The following LEPR variants were observed in gnomAD, a reference collection of about 807,000 sequenced individuals.
LEPR encodes the protein OB receptor.
LEPR carries 56 observed loss-of-function variants against 114.7 expected under a neutral mutation model. The observed-to-expected ratio is 0.49, with a 90% CI of 0.39 to 0.61. The LOEUF (loss-of-function observed/expected upper bound fraction) is 0.61, where lower values mean the gene tolerates loss of function less well. Ranked by LOEUF, LEPR falls within the 20% of genes least tolerant of loss-of-function variation. The pLI, the probability that LEPR is intolerant of heterozygous loss-of-function variation, is 0.00. For synonymous variants in LEPR, 443 were observed against 461.4 expected (o/e 0.96, Z 0.51); for missense variants, 1,202 against 1,352.9 (o/e 0.89, Z 1.75).
chr1:65,548,228 C>A (rs1181712458), intron 2 of LEPR, among the ~76,000 whole-genome samples: 4 of 151,966 alleles, frequency 2.6e-5, no homozygotes, highest in African/African-American at 9.7e-5. Context: ...TTACTTCCAA[C>A]CATGTGGTCA....
At chr1:65,547,406 G>A (rs1478702124) in intron 2 of LEPR, among the ~76,000 whole-genome samples, 2 of 151,928 alleles carry the variant, frequency 1.3e-5, no homozygotes, top group Non-Finnish European at 2.9e-5. Flanking sequence ...TTGTACCTCT[G>A]GTAGAATTCG....
At chr1:65,449,963 A>C (rs1646761808) in intron 2 of LEPR, among the ~76,000 whole-genome samples, 1 of 152,000 alleles carries the variant, frequency 6.6e-6, no homozygotes, top group East Asian at 1.9e-4. Flanking sequence ...TTTTATTTTC[A>C]TTTAGTTAAA....
chr1:65,573,266 G>A (rs1654337235), intron 5 of LEPR, among the ~76,000 whole-genome samples: 1 of 152,190 alleles, frequency 6.6e-6, no homozygotes, highest in Non-Finnish European at 1.5e-5. Context: ...GCCTTGGCCT[G>A]ATTCTTGACC....
chr1:65,429,526 A>G (rs1646445673), intron 2 of LEPR, among the ~76,000 whole-genome samples: 1 of 152,134 alleles, frequency 6.6e-6, no homozygotes, highest in African/African-American at 2.4e-5. Context: ...TTTGCAAGAC[A>G]CTCTACTATG....
At chr1:65,552,660 T>C (rs1652488284) in intron 2 of LEPR, among the ~76,000 whole-genome samples, 1 of 152,206 alleles carries the variant, frequency 6.6e-6, no homozygotes, top group African/African-American at 2.4e-5. Context: ...GGGTCGTGAC[T>C]GTTTTTCCAA....
chr1:65,639,872 C>CATGTCACTATGAATAGGCACCTTCTGT lies in LEPR; in HGVS notation c.*2858_*2884dup, dbSNP rs1658815842. On this transcript the variant is annotated 3_prime_UTR_variant, in exon 20 of 20. Transcript: ENST00000349533. Reference sequence around the variant, plus strand: ...CAAGAACAATGAAAAAGTTGACGTACATGTCACTATGAATAGGCACCTTCT... The same window carrying CATGTCACTATGAATAGGCACCTTCTGT: ...CAAGAACAATGAAAAAGTTGACGTACATGTCACTATGAATAGGCACCTTCTGTATGTCACTATGAATAGGCACCTTCT... 6.6e-6 allele frequency: 1 copy of CATGTCACTATGAATAGGCACCTTCTGT among 152,078 alleles called. No homozygotes were observed. The highest frequency in any genetic ancestry group is 2.4e-5 in the African/African-American group (1 of 41,414). 9.4% of individuals were successfully genotyped at this position (152,078 alleles called of 1,614,324 possible).
intron 5 of LEPR, among the ~76,000 whole-genome samples, chr1:65,591,650 C>T (rs1655704652): frequency 6.6e-6 from 1 of 151,960 alleles, no homozygotes; most frequent in African/African-American, 2.4e-5. Context: ...TTACAACTTT[C>T]TTTTGACTAA....
At chr1:65,601,315 G>A (rs1557688350) in intron 8 of LEPR, 77 bp from the exon 9 acceptor site, 4 of 1,536,576 alleles carry the variant, frequency 2.6e-6, no homozygotes, top group Non-Finnish European at 3.6e-6. Context: ...AATGTGTTGT[G>A]AATATTTTTC....
intron 2 of LEPR, among the ~76,000 whole-genome samples, chr1:65,553,767 T>C: frequency 6.6e-6 from 1 of 152,288 alleles, no homozygotes; most frequent in East Asian, 1.9e-4. Context: ...GTTGTGATCC[T>C]TTAAATGAGA....
intron 2 of LEPR, among the ~76,000 whole-genome samples, chr1:65,448,356 A>T (rs2100311480): frequency 6.6e-6 from 1 of 152,332 alleles, no homozygotes; most frequent in Middle Eastern, 3.4e-3. Context: ...CCAGCTTTGC[A>T]TATCTGGGAT....
At chr1:65,529,826 C>A (rs1650261246) in intron 2 of LEPR, among the ~76,000 whole-genome samples, 1 of 152,146 alleles carries the variant, frequency 6.6e-6, no homozygotes, top group South Asian at 2.1e-4. Flanking sequence ...GGACACCATG[C>A]ATTCTTGATT....
Position 65,577,025 on chromosome 1 carries a change from G to C in LEPR, c.494+4576G>C, listed in dbSNP as rs1654634991. The C allele has an allele frequency of 7.5e-6, 2 of 266,182 alleles. 1 individual carries two copies. Among genetic ancestry groups the C allele is most frequent in the African/African-American group, 4.7e-5 (2 of 42,876 alleles). 16.5% of individuals were successfully genotyped at this position (266,182 alleles called of 1,614,324 possible). A position where few individuals can be genotyped will look rare whatever the true frequency, so the allele number is the denominator to read the frequency against. On this transcript the variant is annotated intron_variant, in intron 5 of 19. Transcript: ENST00000349533. ...TTTCTGCTCATCCTAGCTCAGAAAG[G>C]GGAACAAGCTCCTATTTGAAGTGCA...
rs1457505281 is a variant in LEPR, at chr1:65,424,941, AT to A, written c.-96-359del. Among the ~76,000 whole-genome samples the A allele has an allele frequency of 2.0e-4, 30 of 152,338 alleles. 1 individual carries two copies. The East Asian group carries it at 5.8e-3, about 29-fold the overall frequency. On this transcript the variant is annotated intron_variant, in intron 1 of 19. Transcript: ENST00000349533. ...GAGCCGGGAAGGTTTCAACATGTGA[AT>A]TTGAAAGGGACACACATAATGCAGT...
At chr1:65,482,670 A>T (rs116320511) in intron 2 of LEPR, among the ~76,000 whole-genome samples, 9 of 152,114 alleles carry the variant, frequency 5.9e-5, no homozygotes, top group Admixed American at 5.2e-4. Context: ...ATGAACATAG[A>T]TATCAATTCC....
At chr1:65,554,606 A>G (rs2100735210) in intron 2 of LEPR, among the ~76,000 whole-genome samples, 1 of 152,250 alleles carries the variant, frequency 6.6e-6, no homozygotes, top group Middle Eastern at 3.4e-3. Context: ...CTGTGCTGGC[A>G]GGGAGAATTT....
At chr1:65,572,268 G>A in intron 4 of LEPR, 58 bp from the exon 5 acceptor site, 5 of 1,399,956 alleles carry the variant, frequency 3.6e-6, no homozygotes, top group Non-Finnish European at 3.7e-6. Flanking sequence ...TGTTCAGATG[G>A]TTTTTGAGAT....
chr1:65,637,105 CAG>C lies in LEPR; in HGVS notation c.*93_*94del. 2 of 1,369,008 alleles carry C rather than the reference CAG, an allele frequency of 1.5e-6. No individual in the cohort carries two copies. Among genetic ancestry groups the C allele is most frequent in the Non-Finnish European group, 2.0e-6 (2 of 994,568 alleles). The allele number at this position is 1,369,008 out of a possible 1,614,324, so 84.8% of individuals were successfully genotyped here. On this transcript the variant is annotated 3_prime_UTR_variant, in exon 20 of 20. Coordinates refer to ENST00000349533, the MANE Select transcript of LEPR (RefSeq NM_002303.6). Reference sequence around the variant, plus strand: ...TGTGGGTGGGAGAGAGAAAAGAAACCAGAGTCAAATTTGAAAATAATTGTTCC... The same window carrying C: ...TGTGGGTGGGAGAGAGAAAAGAAACCAGTCAAATTTGAAAATAATTGTTCC...
chr1:65,462,828 C>T (rs918719281), intron 2 of LEPR, among the ~76,000 whole-genome samples: 2 of 152,092 alleles, frequency 1.3e-5, no homozygotes, highest in African/African-American at 4.8e-5. Context: ...TATCCTTTGC[C>T]CACTTTTTGA....
intron 2 of LEPR, among the ~76,000 whole-genome samples, chr1:65,477,641 C>T (rs1002163799): frequency 1.3e-5 from 2 of 152,320 alleles, no homozygotes; most frequent in South Asian, 4.1e-4. Context: ...GTGCCATACA[C>T]AAGTGCAAGG....
Sources: allele counts gnomAD v4.1 joint callset (sites outside exome capture counted in the v4.1 genomes callset), GRCh38; gene constraint gnomAD v4.1.1; transcripts MANE v1.5; gene names NCBI Gene and HGNC (gene_info 2026-07-23, HGNC 2026-07-21).